Variants in MERTK observed in about 807,000 individuals in gnomAD.
MERTK encodes the protein MER proto-oncogene, tyrosine kinase, also known as tyrosine-protein kinase Mer.
A neutral mutation model predicts 99.3 loss-of-function variants in MERTK; 69 were observed. The ratio of observed to expected loss-of-function variants is 0.70; its 90% CI spans 0.57 to 0.85. The LOEUF is 0.85. Among genes scored for constraint, MERTK ranks in the 40% least tolerant of loss-of-function variants. The pLI, the probability that MERTK is intolerant of heterozygous loss-of-function variation, is 0.00. For missense variants in MERTK, 1,125 were observed against 1,249.4 expected, an observed-to-expected ratio of 0.90 and a Z score of 1.50; for synonymous variants, 426 against 467.6, an observed-to-expected ratio of 0.91 and a Z score of 1.15.
chr2:112,015,974 G>A (rs1481396287), intron 15 of MERTK, among the ~76,000 whole-genome samples: 2 of 152,178 alleles, frequency 1.3e-5, no homozygotes, highest in African/African-American at 2.4e-5. Context: ...TCTAAAAGCA[G>A]TTGGTTGTAC....
chr2:111,900,004 A>AT (rs1684014326), intron 1 of MERTK, among the ~76,000 whole-genome samples: 1 of 152,142 alleles, frequency 6.6e-6, no homozygotes, highest in Non-Finnish European at 1.5e-5. Context: ...GAAAGGGGAA[A>AT]AATGCTAAAT....
At chr2:111,929,763 T>C (rs1267490639) in intron 2 of MERTK, among the ~76,000 whole-genome samples, 2 of 41,974 alleles carry the variant, frequency 4.8e-5, no homozygotes, top group Non-Finnish European at 1.4e-4. Context: ...ATTTTTTTTT[T>C]TTTTTTTTTG....
At chr2:111,997,689 C>A (rs1332238800) in intron 10 of MERTK, among the ~76,000 whole-genome samples, 1 of 152,210 alleles carries the variant, frequency 6.6e-6, no homozygotes, top group Non-Finnish European at 1.5e-5. Flanking sequence ...GGTTCCTTTA[C>A]AGAGAAGAGT....
chr2:111,924,337 G>C (rs1280941297), intron 1 of MERTK, among the ~76,000 whole-genome samples: 3 of 152,106 alleles, frequency 2.0e-5, no homozygotes, highest in Non-Finnish European at 4.4e-5. Flanking sequence ...GAGCAGCCTC[G>C]AGCCACCAGC....
chr2:111,947,330 C>G, intron 3 of MERTK, 64 bp from the exon 4 acceptor site: 1 of 1,521,490 alleles, frequency 6.6e-7, no homozygotes, highest in Non-Finnish European at 9.1e-7. Flanking sequence ...GTTTCCATTC[C>G]CCTTTGGGCT....
chr2:111,969,455 A>G (rs1361697400), intron 6 of MERTK, among the ~76,000 whole-genome samples: 1 of 152,224 alleles, frequency 6.6e-6, no homozygotes, highest in African/African-American at 2.4e-5. Context: ...GAATTAGTTT[A>G]CTAAATATCT....
chr2:111,923,310 G>C (rs1684499662), intron 1 of MERTK, among the ~76,000 whole-genome samples: 1 of 152,202 alleles, frequency 6.6e-6, no homozygotes. Context: ...TGTACTGGGT[G>C]CTGAAGAAAG....
At chr2:111,907,278 G>T (rs879706351) in intron 1 of MERTK, among the ~76,000 whole-genome samples, 1 of 152,196 alleles carries the variant, frequency 6.6e-6, no homozygotes, top group African/African-American at 2.4e-5. Context: ...GCCAGGCGTG[G>T]TGGCGCATGC....
chr2:111,988,504 A>G (rs1020451523), intron 8 of MERTK, among the ~76,000 whole-genome samples: 2 of 152,158 alleles, frequency 1.3e-5, no homozygotes, highest in African/African-American at 4.8e-5. Context: ...TCAATTCTGT[A>G]AGAAGGTTTT....
rs571850445 is a variant in MERTK, at chr2:111,915,794, C to G, written c.62-13326C>G. Reference sequence around the variant, plus strand: ...CCTGTAATCCCAGCTATTTGGGGAGCTGAGGCAGGAGAATCACTTGAACCC... The same window carrying G: ...CCTGTAATCCCAGCTATTTGGGGAGGTGAGGCAGGAGAATCACTTGAACCC... On this transcript the variant is annotated intron_variant, in intron 1 of 18. Coordinates refer to ENST00000295408, the MANE Select transcript of MERTK (RefSeq NM_006343.3). 5.3e-5 allele frequency among the ~76,000 whole-genome samples: 8 copies of G among 152,250 alleles called. No homozygotes were observed. In the East Asian group the frequency reaches 1.5e-3, roughly 29 times the overall value.
chr2:111,955,557 C>A (rs1221274399), intron 4 of MERTK, among the ~76,000 whole-genome samples: 1 of 152,088 alleles, frequency 6.6e-6, no homozygotes, highest in Non-Finnish European at 1.5e-5. Context: ...ATTCTTCCCC[C>A]CAAAATAAAA....
rs1045889480 is a variant in MERTK at position 112,029,056 on chromosome 2, A to G, written c.*192A>G. On this transcript the variant is annotated 3_prime_UTR_variant, in exon 19 of 19. Transcript: ENST00000295408. The stretch of plus-strand genomic sequence containing the variant: ...ATATATTTATTTAAAGAGAAAAAAT[A>G]TGTGTATATCATGGAAAAAGACAAG... 2 of 1,343,278 alleles carry G rather than the reference A, an allele frequency of 1.5e-6. No individual in the cohort carries two copies. The highest frequency in any genetic ancestry group is 1.9e-6 in the Non-Finnish European group (2 of 1,040,676). The allele number at this position is 1,343,278 out of a possible 1,614,324, so 83.2% of individuals were successfully genotyped here. A position where few individuals can be genotyped will look rare whatever the true frequency, so the allele number is the denominator to read the frequency against.
chr2:112,015,570 T>C (rs749917712), intron 15 of MERTK, among the ~76,000 whole-genome samples: 26 of 152,240 alleles, frequency 1.7e-4, no homozygotes, highest in Admixed American at 3.9e-4. Flanking sequence ...TTATATGTTC[T>C]AAATATAGTT....
intron 13 of MERTK, among the ~76,000 whole-genome samples, chr2:112,005,075 T>C (rs969239244): frequency 6.6e-6 from 1 of 152,158 alleles, no homozygotes; most frequent in African/African-American, 2.4e-5. Flanking sequence ...TACTTTCTTT[T>C]TTTTTTAATT....
intron 4 of MERTK, among the ~76,000 whole-genome samples, chr2:111,948,971 C>T (rs143930363): frequency 6.6e-6 from 1 of 152,004 alleles, no homozygotes; most frequent in Non-Finnish European, 1.5e-5. Context: ...GCTCTCCATC[C>T]TGCTTGTTAG....
intron 15 of MERTK, chr2:112,013,353 A>AT: frequency 6.5e-6 from 1 of 154,470 alleles, no homozygotes; most frequent in African/African-American, 2.4e-5. Flanking sequence ...AGATGATTGC[A>AT]TTATAGGAAG....
intron 13 of MERTK, among the ~76,000 whole-genome samples, chr2:112,005,646 A>G (rs887897098): frequency 2.0e-4 from 30 of 152,264 alleles, no homozygotes; most frequent in African/African-American, 6.5e-4. Context: ...GTCACGTGGC[A>G]TTTCACCCAG....
chr2:111,999,134 T>G (rs35471545), intron 10 of MERTK, among the ~76,000 whole-genome samples: 38,708 of 152,068 alleles, frequency 0.25, 5,390 homozygotes, highest in Middle Eastern at 0.43. Context: ...TGTACATCAG[T>G]ATTTTTTTCA....
intron 8 of MERTK, among the ~76,000 whole-genome samples, chr2:111,985,977 G>A (rs192231985): frequency 7.9e-5 from 12 of 152,270 alleles, no homozygotes; most frequent in African/African-American, 2.9e-4. Context: ...CTCAAGCTTT[G>A]TTGTAATCAT....
Sources: gnomAD v4.1 joint callset for allele counts (sites outside exome capture counted in the v4.1 genomes callset) on GRCh38, gnomAD v4.1.1 for gene constraint, MANE v1.5 for transcripts, NCBI Gene and HGNC (gene_info 2026-07-23, HGNC 2026-07-21) for gene names.